Variants in OPRM1 observed in about 807,000 individuals in gnomAD.
The protein encoded by OPRM1 is mu-type opioid receptor.
A neutral mutation model predicts 31.8 loss-of-function variants in OPRM1; 27 were observed. The ratio of observed to expected loss-of-function variants is 0.85; its 90% confidence interval spans 0.63 to 1.17. The LOEUF is 1.17. Among genes scored for constraint, OPRM1 ranks in the 50% most tolerant of loss-of-function variants. OPRM1 has a pLI of 0.00. For synonymous variants in OPRM1, 196 were observed against 189.9 expected, an observed-to-expected ratio of 1.03 and a Z score of -0.26; for missense variants, 536 against 511.1, an observed-to-expected ratio of 1.05 and a Z score of -0.47.
chr6:154,030,284 A>G (rs1048427273), intron 1 of OPRM1, among the ~76,000 whole-genome samples: 1 of 152,202 alleles, frequency 6.6e-6, no homozygotes, highest in African/African-American at 2.4e-5. Context: ...AGGTTCTAAA[A>G]CTTGATTAAG....
chr6:154,209,057 G>T (rs1644836379), intron 3 of OPRM1, among the ~76,000 whole-genome samples: 1 of 152,132 alleles, frequency 6.6e-6, no homozygotes, highest in Non-Finnish European at 1.5e-5. Context: ...CTCGTGAAAT[G>T]TCATTCAGCC....
rs145407349 is a variant in OPRM1 at position 154,044,974 on chromosome 6, C to T, written c.290+5140C>T. 1.9e-3 allele frequency among the ~76,000 whole-genome samples: 296 copies of T among 151,978 alleles called. 4 individuals are homozygous for T. The highest frequency in any genetic ancestry group is 6.9e-3 in the African/African-American group (287 of 41,374). On this transcript the variant is annotated intron_variant, in intron 1 of 3. Coordinates refer to ENST00000330432, the MANE Select transcript of OPRM1 (RefSeq NM_000914.5). The stretch of plus-strand genomic sequence containing the variant: ...GCACTGTAGCTCTTACTTACAATGC[C>T]AGCGCTTTGGGAGGCTGAGGCAGGT...
At position 154,122,188 on chromosome 6, in the gene OPRM1, G is replaced by A. The variant is rs1797344659; in HGVS notation, c.*3467G>A. Among the ~76,000 whole-genome samples the A allele has an allele frequency of 6.6e-6, 1 of 152,134 alleles. No individual in the cohort carries two copies. The highest frequency in any genetic ancestry group is 1.5e-5 in the Non-Finnish European group (1 of 68,014). On this transcript the variant is annotated 3_prime_UTR_variant, in exon 4 of 4. Coordinates refer to ENST00000330432, the MANE Select transcript of OPRM1 (RefSeq NM_000914.5). ...AAGTTGTGTTTGTACAATTCTTGAG[G>A]TCAATCAGAACCAAAAAATCTGTTG...
chr6:154,220,489 G>A (rs1005173319), intron 3 of OPRM1, among the ~76,000 whole-genome samples: 7 of 152,012 alleles, frequency 4.6e-5, no homozygotes, highest in Non-Finnish European at 1.0e-4. Context: ...AAACCCACAA[G>A]AAACACAAAA....
chr6:154,127,817 G>GA lies in OPRM1; in HGVS notation c.*9100dup, dbSNP rs1797678909. ...CTGCAGGGGTTCATTCAGAAAACAG[G>GA]AAAATAACAAAGGCTTCCTGTAATT... On this transcript the variant is annotated 3_prime_UTR_variant, in exon 4 of 4. Transcript: ENST00000330432. 6.6e-6 allele frequency among the ~76,000 whole-genome samples: 1 copy of GA among 152,286 alleles called. No homozygotes were observed. Among genetic ancestry groups the GA allele is most frequent in the East Asian group, 1.9e-4 (1 of 5,182 alleles).
chr6:154,019,013 C>T (rs779095890), intron 1 of OPRM1, among the ~76,000 whole-genome samples: 15 of 151,918 alleles, frequency 9.9e-5, no homozygotes, highest in Non-Finnish European at 1.9e-4. Flanking sequence ...TTATAGGGTA[C>T]ATGGTATGTT....
intron 3 of OPRM1, among the ~76,000 whole-genome samples, chr6:154,202,218 T>C (rs1356123975): frequency 6.6e-6 from 1 of 152,136 alleles, no homozygotes; most frequent in East Asian, 1.9e-4. Flanking sequence ...TAATCACATA[T>C]CTTCTCAATA....
chr6:154,018,578 T>C (rs923763916), intron 1 of OPRM1, among the ~76,000 whole-genome samples: 1 of 151,452 alleles, frequency 6.6e-6, no homozygotes, highest in Non-Finnish European at 1.5e-5. Context: ...ATAGTCCTAG[T>C]AAATAATAAA....
intron 3 of OPRM1, among the ~76,000 whole-genome samples, chr6:154,110,759 C>T (rs1425849366): frequency 6.6e-6 from 1 of 151,908 alleles, no homozygotes; most frequent in African/African-American, 2.4e-5. Flanking sequence ...TGGTGGCGGG[C>T]ACCTGTAGTC....
chr6:154,227,245 A>T (rs563970320), intron 3 of OPRM1, among the ~76,000 whole-genome samples: 1 of 152,064 alleles, frequency 6.6e-6, no homozygotes, highest in Admixed American at 6.5e-5. Flanking sequence ...AATAATAAAA[A>T]AATAAAAAAC....
chr6:154,154,697 T>C (rs996841893), intron 3 of OPRM1: 2 of 152,416 alleles, frequency 1.3e-5, no homozygotes, highest in African/African-American at 4.8e-5. Flanking sequence ...CAACTTTTTT[T>C]TCATGTCATT....
chr6:154,058,921 T>C (rs1269296823), intron 1 of OPRM1, among the ~76,000 whole-genome samples: 1 of 152,162 alleles, frequency 6.6e-6, no homozygotes, highest in Non-Finnish European at 1.5e-5. Flanking sequence ...TAAGCCCAAA[T>C]TTGTCCAACT....
At chr6:154,014,583 A>T (rs780403059) in intron 1 of OPRM1, among the ~76,000 whole-genome samples, 33 of 94,876 alleles carry the variant, frequency 3.5e-4, no homozygotes, top group East Asian at 1.3e-3. Flanking sequence ...GAATTTAGAT[A>T]AAAAAAAAAG....
At chr6:154,218,823 G>A (rs1449895247) in intron 3 of OPRM1, among the ~76,000 whole-genome samples, 1 of 152,210 alleles carries the variant, frequency 6.6e-6, no homozygotes, top group Non-Finnish European at 1.5e-5. Context: ...GTCACTGACA[G>A]ATTCAAAAAC....
intron 3 of OPRM1, among the ~76,000 whole-genome samples, chr6:154,185,992 C>T (rs747572154): frequency 3.3e-5 from 5 of 152,352 alleles, no homozygotes; most frequent in Admixed American, 1.3e-4. Flanking sequence ...GGGGTTATTG[C>T]TTGTGTTCTT....
intron 3 of OPRM1, among the ~76,000 whole-genome samples, chr6:154,169,727 C>G (rs1799724988): frequency 6.6e-6 from 1 of 152,202 alleles, no homozygotes; most frequent in African/African-American, 2.4e-5. Context: ...GCCACTCCAC[C>G]ACAGGATCTA....
chr6:154,160,853 G>T (rs1008335141), intron 3 of OPRM1, among the ~76,000 whole-genome samples: 1 of 152,132 alleles, frequency 6.6e-6, no homozygotes, highest in African/African-American at 2.4e-5. Context: ...TATCACGTTT[G>T]ATCTGCTGCC....
At chr6:154,096,470 G>T (rs1169530761) in intron 3 of OPRM1, among the ~76,000 whole-genome samples, 2 of 152,142 alleles carry the variant, frequency 1.3e-5, no homozygotes, top group African/African-American at 2.4e-5. Flanking sequence ...AAACGGTAGA[G>T]TTTGGTGCAA....
chr6:154,084,205 C>A (rs920199982), intron 1 of OPRM1, among the ~76,000 whole-genome samples: 4 of 152,114 alleles, frequency 2.6e-5, no homozygotes, highest in Non-Finnish European at 4.4e-5. Flanking sequence ...AACTACATAA[C>A]GTCACCTTGA....
Sources: allele counts gnomAD v4.1 joint callset (sites outside exome capture counted in the v4.1 genomes callset), GRCh38; gene constraint gnomAD v4.1.1; transcripts MANE v1.5; gene names NCBI Gene and HGNC (gene_info 2026-07-23, HGNC 2026-07-21).